Variants in RORA observed in about 807,000 individuals in gnomAD.
RORA encodes the protein RAR related orphan receptor A.
A neutral mutation model predicts 69.5 loss-of-function variants in RORA; 7 were observed. The observed-to-expected ratio is 0.10, with a 90% CI of 0.06 to 0.19. RORA has a LOEUF of 0.19. Ranked by LOEUF, RORA falls within the 10% of genes least tolerant of loss-of-function variation. The pLI is 1.00. For missense variants in RORA, 457 were observed against 663.0 expected (o/e 0.69, Z 3.41); for synonymous variants, 261 against 240.8 (o/e 1.08, Z -0.78).
At chr15:60,980,981 T>G (rs920266559) in intron 1 of RORA, among the ~76,000 whole-genome samples, 12 of 152,078 alleles carry the variant, frequency 7.9e-5, no homozygotes, top group Non-Finnish European at 1.6e-4. Flanking sequence ...ATTTTTTTTA[T>G]GTAGGTCAGG....
At chr15:60,945,111 T>A (rs527320473) in intron 1 of RORA, among the ~76,000 whole-genome samples, 19 of 152,036 alleles carry the variant, frequency 1.2e-4, no homozygotes, top group Non-Finnish European at 2.5e-4. Flanking sequence ...ACCCAGCAAA[T>A]CCAGCAATAT....
At chr15:61,215,126 G>A (rs1198567587) in intron 1 of RORA, among the ~76,000 whole-genome samples, 7 of 138,930 alleles carry the variant, frequency 5.0e-5, no homozygotes, top group Admixed American at 4.0e-4. Flanking sequence ...CTCGTGATCC[G>A]CCCGCCTCAG....
intron 1 of RORA, among the ~76,000 whole-genome samples, chr15:61,078,629 AG>A (rs1229166912): frequency 6.6e-6 from 1 of 152,242 alleles, no homozygotes; most frequent in Non-Finnish European, 1.5e-5. Context: ...CAAAAGTCAT[AG>A]TAACAGTGGT....
At chr15:60,874,963 G>A (rs1485340528) in intron 1 of RORA, among the ~76,000 whole-genome samples, 1 of 152,126 alleles carries the variant, frequency 6.6e-6, no homozygotes, top group African/African-American at 2.4e-5. Flanking sequence ...CAGGGCATAT[G>A]GCTCACAGGA....
intron 2 of RORA, among the ~76,000 whole-genome samples, chr15:60,572,472 C>G (rs929937116): frequency 2.0e-5 from 3 of 151,356 alleles, no homozygotes; most frequent in African/African-American, 7.3e-5. Context: ...CTATTATAGA[C>G]AACTGGATCA....
intron 1 of RORA, among the ~76,000 whole-genome samples, chr15:61,048,018 T>C (rs1897116813): frequency 6.6e-6 from 1 of 152,174 alleles, no homozygotes; most frequent in Non-Finnish European, 1.5e-5. Flanking sequence ...AGCATTTAGA[T>C]ATGGCTTTGG....
chr15:60,942,821 A>C (rs943930978), intron 1 of RORA, among the ~76,000 whole-genome samples: 1 of 152,242 alleles, frequency 6.6e-6, no homozygotes, highest in South Asian at 2.1e-4. Context: ...GCAACTGGGC[A>C]TAAGGAGAGA....
chr15:60,550,462 A>G (rs555641769), intron 2 of RORA, among the ~76,000 whole-genome samples: 8 of 152,246 alleles, frequency 5.3e-5, no homozygotes, highest in African/African-American at 1.9e-4. Context: ...TTTCTCCTTT[A>G]AGTGGTCACC....
chr15:60,639,180 A>G (rs2140669708), intron 2 of RORA, among the ~76,000 whole-genome samples: 1 of 150,420 alleles, frequency 6.6e-6, no homozygotes, highest in African/African-American at 2.4e-5. Context: ...CAATCAGGCA[A>G]GTTTATCTTT....
intron 1 of RORA, among the ~76,000 whole-genome samples, chr15:60,926,193 T>G (rs1276092855): frequency 6.6e-6 from 1 of 152,202 alleles, no homozygotes; most frequent in Non-Finnish European, 1.5e-5. Context: ...AGCTTGTGCA[T>G]ATAGTGACAC....
intron 1 of RORA, among the ~76,000 whole-genome samples, chr15:61,103,804 C>T (rs575565496): frequency 4.4e-4 from 67 of 152,210 alleles, no homozygotes; most frequent in Non-Finnish European, 6.6e-4. Flanking sequence ...TCCCCCACCC[C>T]GTCCATTTAC....
intron 1 of RORA, among the ~76,000 whole-genome samples, chr15:61,001,533 C>G (rs1388997784): frequency 2.0e-5 from 3 of 152,210 alleles, no homozygotes; most frequent in Non-Finnish European, 4.4e-5. Context: ...TATAAGCAAG[C>G]AATCAAAATT....
At chr15:61,015,041 C>T (rs1895232113) in intron 1 of RORA, among the ~76,000 whole-genome samples, 2 of 152,208 alleles carry the variant, frequency 1.3e-5, no homozygotes, top group Non-Finnish European at 2.9e-5. Flanking sequence ...TCTCCTATAG[C>T]CCGAAGCTCG....
At chr15:60,653,832 T>C (rs946874573) in intron 2 of RORA, among the ~76,000 whole-genome samples, 2 of 152,130 alleles carry the variant, frequency 1.3e-5, no homozygotes, top group African/African-American at 4.8e-5. Context: ...GCCAAATTCT[T>C]CCTTCTCCAT....
At chr15:60,852,995 C>A (rs563158584) in intron 1 of RORA, among the ~76,000 whole-genome samples, 18 of 152,272 alleles carry the variant, frequency 1.2e-4, no homozygotes, top group African/African-American at 3.4e-4. Context: ...CCGGTAATAT[C>A]CTTTGTGTCT....
At chr15:60,872,032 C>T (rs750661328) in intron 1 of RORA, among the ~76,000 whole-genome samples, 1 of 152,188 alleles carries the variant, frequency 6.6e-6, no homozygotes, top group Non-Finnish European at 1.5e-5. Context: ...TTATTGAAAG[C>T]TTTGTGGATG....
chr15:60,760,251 GC>G (rs1219263525), intron 1 of RORA, among the ~76,000 whole-genome samples: 1 of 152,084 alleles, frequency 6.6e-6, no homozygotes, highest in East Asian at 1.9e-4. Context: ...ATGAATGTGG[GC>G]TAAACATTCT....
intron 2 of RORA, among the ~76,000 whole-genome samples, chr15:60,676,383 A>T (rs571087525): frequency 6.6e-6 from 1 of 152,342 alleles, no homozygotes; most frequent in Non-Finnish European, 1.5e-5. Flanking sequence ...TCCTTGGCAT[A>T]TGTAAAGTTT....
intron 5 of RORA, chr15:60,510,378 G>GC (rs1355045155): frequency 1.3e-5 from 2 of 152,194 alleles, no homozygotes; most frequent in Admixed American, 1.3e-4. Flanking sequence ...ATGGAAAGTT[G>GC]CCCATTGTCT....
Sources: gnomAD v4.1 joint callset for allele counts (sites outside exome capture counted in the v4.1 genomes callset) on GRCh38, gnomAD v4.1.1 for gene constraint, MANE v1.5 for transcripts, NCBI Gene and HGNC (gene_info 2026-07-23, HGNC 2026-07-21) for gene names.